The following CDH2 variants were observed in gnomAD, a reference collection of about 807,000 sequenced individuals.
The protein encoded by CDH2 is cadherin-2.
In CDH2, 17 loss-of-function variants were observed where a neutral mutation model predicts 92.0. The observed-to-expected ratio is 0.18, with a 90% CI of 0.13 to 0.28. The LOEUF (loss-of-function observed/expected upper bound fraction) is 0.28, where lower values mean the gene tolerates loss of function less well. Ranked by LOEUF, CDH2 falls within the 10% of genes least tolerant of loss-of-function variation. The pLI, the probability that CDH2 is intolerant of heterozygous loss-of-function variation, is 1.00. For missense variants in CDH2, 862 were observed against 1,133.1 expected (o/e 0.76, Z 3.44); for synonymous variants, 419 against 415.9 (o/e 1.01, Z -0.09).
At chr18:27,961,352 A>G (rs1329027852) in intron 15 of CDH2, among the ~76,000 whole-genome samples, 1 of 151,862 alleles carries the variant, frequency 6.6e-6, no homozygotes, top group Non-Finnish European at 1.5e-5. Flanking sequence ...GGAGAAAGAA[A>G]TACTGACAGT....
chr18:27,990,060 A>C, intron 10 of CDH2, 37 bp downstream of exon 10: 1 of 1,593,102 alleles, frequency 6.3e-7, no homozygotes, highest in African/African-American at 1.3e-5. Context: ...ATAGAACATA[A>C]GTAAGCTACA....
intron 2 of CDH2, among the ~76,000 whole-genome samples, chr18:28,056,112 C>T (rs2014288409): frequency 6.6e-6 from 1 of 150,930 alleles, no homozygotes; most frequent in Non-Finnish European, 1.5e-5. Context: ...TAATTTTTGT[C>T]CTAAAAGGAC....
At chr18:28,056,395 C>CT (rs1324283370) in intron 2 of CDH2, among the ~76,000 whole-genome samples, 1 of 152,014 alleles carries the variant, frequency 6.6e-6, no homozygotes, top group African/African-American at 2.4e-5. Context: ...TGGTAAAAGG[C>CT]TTTTATCTTT....
chr18:28,172,076 GGT>G (rs34158369), intron 1 of CDH2, among the ~76,000 whole-genome samples: 1,677 of 145,914 alleles, frequency 0.011, 8 homozygotes, highest in South Asian at 0.022. Flanking sequence ...ATACATTTGG[GGT>G]GTGTGTGTGT....
At chr18:28,116,474 C>A (rs557828923) in intron 2 of CDH2, among the ~76,000 whole-genome samples, 1 of 152,238 alleles carries the variant, frequency 6.6e-6, no homozygotes, top group East Asian at 1.9e-4. Flanking sequence ...AGTCAAGCCA[C>A]ATGAATTTTA....
At chr18:28,068,630 G>T (rs1377818506) in intron 2 of CDH2, among the ~76,000 whole-genome samples, 1 of 152,202 alleles carries the variant, frequency 6.6e-6, no homozygotes, top group Non-Finnish European at 1.5e-5. Context: ...ACTGAGCCTT[G>T]TTCGAGACTA....
At chr18:27,955,337 G>A (rs1273711400) in intron 15 of CDH2, among the ~76,000 whole-genome samples, 10 of 133,746 alleles carry the variant, frequency 7.5e-5, no homozygotes, top group African/African-American at 1.7e-4. Flanking sequence ...TGCACATTCC[G>A]CACATGTATC....
chr18:28,127,489 G>T (rs986249339), intron 2 of CDH2, among the ~76,000 whole-genome samples: 1 of 151,962 alleles, frequency 6.6e-6, no homozygotes, highest in Non-Finnish European at 1.5e-5. Flanking sequence ...TTATCGTGGC[G>T]CAATGGTCAA....
At chr18:28,103,572 TAC>T (rs2015271565) in intron 2 of CDH2, among the ~76,000 whole-genome samples, 1 of 151,816 alleles carries the variant, frequency 6.6e-6, no homozygotes, top group South Asian at 2.1e-4. Flanking sequence ...TACATAGGTA[TAC>T]ACATGCCATG....
chr18:28,139,424 T>C (rs935225166), intron 2 of CDH2, among the ~76,000 whole-genome samples: 1 of 152,050 alleles, frequency 6.6e-6, no homozygotes, highest in African/African-American at 2.4e-5. Flanking sequence ...TTTCTTTTAA[T>C]GAAGAACTCA....
chr18:28,091,359 C>T (rs2144212023), intron 2 of CDH2, among the ~76,000 whole-genome samples: 1 of 152,262 alleles, frequency 6.6e-6, no homozygotes, highest in South Asian at 2.1e-4. Context: ...CTTTCACCTA[C>T]TCTGTAACGA....
chr18:28,107,477 A>T (rs2015340963), intron 2 of CDH2, among the ~76,000 whole-genome samples: 1 of 152,174 alleles, frequency 6.6e-6, no homozygotes. Context: ...GCAAAACTAA[A>T]TAATAAAAAG....
intron 5 of CDH2, among the ~76,000 whole-genome samples, chr18:28,007,165 A>AAAAAAAATATATATATATATAT (rs1172779200): frequency 1.8e-5 from 2 of 110,502 alleles, no homozygotes; most frequent in Non-Finnish European, 3.4e-5. Flanking sequence ...ATAAAAAAAA[A>AAAAAAAATATATATATATATAT]ATATATATAT....
chr18:28,172,100 T>TGTGC (rs1568026537), intron 1 of CDH2, among the ~76,000 whole-genome samples: 1 of 151,284 alleles, frequency 6.6e-6, no homozygotes, highest in Non-Finnish European at 1.5e-5. Flanking sequence ...TGTGTGTGTG[T>TGTGC]GTGCGTGTGT....
At chr18:27,982,735 T>G (rs1221385201) in intron 14 of CDH2, among the ~76,000 whole-genome samples, 1 of 151,742 alleles carries the variant, frequency 6.6e-6, no homozygotes, top group African/African-American at 2.4e-5. Flanking sequence ...ACAAGGTGTT[T>G]TTTTTTTTTT....
chr18:27,980,595 G>A (rs1029903407), intron 14 of CDH2, among the ~76,000 whole-genome samples: 3 of 152,036 alleles, frequency 2.0e-5, no homozygotes, highest in Admixed American at 2.0e-4. Flanking sequence ...GAACTGCATG[G>A]AGAAATCACG....
intron 2 of CDH2, among the ~76,000 whole-genome samples, chr18:28,099,775 T>C (rs1208845243): frequency 6.6e-6 from 1 of 152,156 alleles, no homozygotes; most frequent in Admixed American, 6.6e-5. Context: ...AAATAGCAAG[T>C]GAAAGCATGT....
chr18:28,044,850 C>CAT (rs146861256), intron 2 of CDH2, among the ~76,000 whole-genome samples: 2 of 148,394 alleles, frequency 1.3e-5, no homozygotes, highest in Non-Finnish European at 3.0e-5. Flanking sequence ...TATATAACAT[C>CAT]GTGTGTGTGT....
rs369009593 is a variant in CDH2 at position 27,943,078 on chromosome 18, C to T, written c.1152-9954G>A. On this transcript the variant is annotated intron_variant, in intron 6 of 6. Transcript: ENST00000675173. ...TTCCTTGTAAATTATGTGATTCATT[C>T]GTAGAGTTTAGAATGAACTAAATTA... is the stretch of plus-strand genomic sequence containing the variant. 3.3e-5 allele frequency among the ~76,000 whole-genome samples: 5 copies of T among 152,144 alleles called. No homozygotes were observed. The South Asian group carries it at 1.0e-3, about 32-fold the overall frequency.
Sources: gnomAD v4.1 joint callset for allele counts (sites outside exome capture counted in the v4.1 genomes callset) on GRCh38, gnomAD v4.1.1 for gene constraint, MANE v1.5 for transcripts, NCBI Gene and HGNC (gene_info 2026-07-23, HGNC 2026-07-21) for gene names.